The following ENPP6 variants were observed in gnomAD, a reference collection of about 807,000 sequenced individuals.
ENPP6 encodes ectonucleotide pyrophosphatase/phosphodiesterase 6.
In ENPP6, 32 loss-of-function variants were observed where a neutral mutation model predicts 42.0. The ratio of observed to expected loss-of-function variants is 0.76; its 90% CI spans 0.58 to 1.02. ENPP6 has a LOEUF of 1.02. Ranked by LOEUF, ENPP6 falls within the 50% of genes least tolerant of loss-of-function variation. The pLI is 0.00. For missense variants in ENPP6, 552 were observed against 566.8 expected, an observed-to-expected ratio of 0.97 and a Z score of 0.27; for synonymous variants, 213 against 216.0, an observed-to-expected ratio of 0.99 and a Z score of 0.12.
At position 184,120,668 on chromosome 4, in the gene ENPP6, C is replaced by T. The variant is rs141667601; in HGVS notation, c.534-2768G>A. ...TGATGCAGATCACAAACCCTGCTTC[C>T]TTTTCAGCCAGGAAAAAGGGCCGTG... On this transcript the variant is annotated intron_variant, in intron 3 of 7. Coordinates refer to ENST00000296741, the MANE Select transcript of ENPP6 (RefSeq NM_153343.4). Among the ~76,000 whole-genome samples, 612 of 152,344 alleles carry T rather than the reference C, an allele frequency of 4.0e-3. 6 individuals are homozygous for T. The highest frequency in any genetic ancestry group is 0.014 in the Middle Eastern group (4 of 294).
chr4:184,175,535 AG>A (rs1410752365), intron 1 of ENPP6, among the ~76,000 whole-genome samples: 2 of 152,098 alleles, frequency 1.3e-5, no homozygotes. Context: ...ACCACCGCAG[AG>A]TGGGGGCATT....
At chr4:184,096,524 G>T (rs994239359) in intron 7 of ENPP6, among the ~76,000 whole-genome samples, 5 of 152,196 alleles carry the variant, frequency 3.3e-5, no homozygotes, top group Non-Finnish European at 7.3e-5. Flanking sequence ...GGAGAAGAGG[G>T]TGTTCAGGTA....
intron 1 of ENPP6, among the ~76,000 whole-genome samples, chr4:184,205,717 A>G (rs528913288): frequency 1.5e-5 from 2 of 135,174 alleles, no homozygotes; most frequent in East Asian, 3.9e-4. Context: ...GCTGGAGTAG[A>G]GGAGGCTCCA....
At chr4:184,207,976 C>T (rs1031411674) in intron 1 of ENPP6, among the ~76,000 whole-genome samples, 3 of 136,208 alleles carry the variant, frequency 2.2e-5, no homozygotes, top group African/African-American at 7.9e-5. Flanking sequence ...CCTATACTGT[C>T]ATATTGGAAT....
chr4:184,140,583 C>A (rs543711229), intron 2 of ENPP6, among the ~76,000 whole-genome samples: 190 of 129,546 alleles, frequency 1.5e-3, no homozygotes, highest in Non-Finnish European at 2.7e-3. Flanking sequence ...AGAAATAACG[C>A]CGCATATCTA....
intron 2 of ENPP6, among the ~76,000 whole-genome samples, chr4:184,127,647 C>T (rs568559723): frequency 6.6e-5 from 10 of 152,160 alleles, no homozygotes; most frequent in Non-Finnish European, 1.5e-4. Flanking sequence ...TTCCCAGCTA[C>T]TTGGGAGGCT....
At chr4:184,214,746 C>T (rs1733171547) in intron 1 of ENPP6, among the ~76,000 whole-genome samples, 1 of 152,172 alleles carries the variant, frequency 6.6e-6, no homozygotes, top group Admixed American at 6.5e-5. Context: ...AAATCAAACA[C>T]CACATGTTCT....
Position 184,116,954 on chromosome 4 carries a change from T to A in ENPP6, c.757A>T (p.Ile253Phe). 1 of 1,614,172 alleles carries A rather than the reference T, an allele frequency of 6.2e-7. No homozygotes were observed. Among genetic ancestry groups the A allele is most frequent in the Non-Finnish European group, 8.5e-7 (1 of 1,180,036 alleles). ...AGGCTGATGTACTTATTCAGCTCAA[T>A]CACTTTGTCCATCCAGAAAATGTCG... ...MTDIFWMDKV[I>F]ELNKYISLND... Residue 253 changes from isoleucine (I) to phenylalanine (F), a missense_variant, in exon 5 of 8, where the codon ATT becomes TTT. Transcript: ENST00000296741.
chr4:184,184,698 T>A lies in ENPP6; in HGVS notation c.242-30965A>T, dbSNP rs1331817998. Among the ~76,000 whole-genome samples the A allele has an allele frequency of 6.6e-6, 1 of 152,074 alleles. No individual in the cohort carries two copies. Among genetic ancestry groups the A allele is most frequent in the African/African-American group, 2.4e-5 (1 of 41,400 alleles). On this transcript the variant is annotated intron_variant, in intron 1 of 7. Transcript: ENST00000296741. The surrounding 1 kb of genome is among the most constrained non-coding windows in gnomAD (Gnocchi z 4.7). Reference sequence around the variant, plus strand: ...CTTATAAGGAAGGGAGACAGTCACATGTCAATAGAGGCAGAGGTGGAAGTG... The same window carrying A: ...CTTATAAGGAAGGGAGACAGTCACAAGTCAATAGAGGCAGAGGTGGAAGTG...
At chr4:184,110,887 C>T (rs993486950) in intron 6 of ENPP6, among the ~76,000 whole-genome samples, 4 of 152,142 alleles carry the variant, frequency 2.6e-5, no homozygotes, top group East Asian at 3.8e-4. Context: ...CCCAGCACTG[C>T]GTTTCATCAC....
intron 2 of ENPP6, among the ~76,000 whole-genome samples, chr4:184,147,667 G>A (rs1736951205): frequency 6.6e-6 from 1 of 151,952 alleles, no homozygotes; most frequent in Non-Finnish European, 1.5e-5. Context: ...AGGGTGGGGA[G>A]GTGTGCCCCT....
At chr4:184,163,107 G>C (rs1245246980) in intron 1 of ENPP6, among the ~76,000 whole-genome samples, 1 of 152,160 alleles carries the variant, frequency 6.6e-6, no homozygotes, top group African/African-American at 2.4e-5. Context: ...AAAATCCTAA[G>C]ACGTGGATTT....
rs140458019 is a variant in ENPP6 at position 184,154,269 on chromosome 4, C to T, written c.242-536G>A. On this transcript the variant is annotated intron_variant, in intron 1 of 7. Coordinates refer to ENST00000296741, the MANE Select transcript of ENPP6 (RefSeq NM_153343.4). ...ATAGATTCAACTTTGAAAAACAAAGCAGGAAAACAACCCTTCAAATGCAGT... is the reference window on the plus strand; with the variant it reads ...ATAGATTCAACTTTGAAAAACAAAGTAGGAAAACAACCCTTCAAATGCAGT... Among the ~76,000 whole-genome samples the T allele has an allele frequency of 4.4e-4, 67 of 152,304 alleles. No homozygotes were observed. In the East Asian group the frequency reaches 8.1e-3, roughly 18 times the overall value.
At chr4:184,212,487 C>A (rs2111125887) in intron 1 of ENPP6, among the ~76,000 whole-genome samples, 1 of 150,564 alleles carries the variant, frequency 6.6e-6, no homozygotes, top group Admixed American at 6.6e-5. Context: ...CTCCCATTCA[C>A]AATTGCTTCA....
At chr4:184,177,033 G>A (rs543938490) in intron 1 of ENPP6, among the ~76,000 whole-genome samples, 88 of 152,266 alleles carry the variant, frequency 5.8e-4, no homozygotes, top group East Asian at 4.4e-3. Flanking sequence ...GTGAACCCAC[G>A]CCACCAGGGC....
intron 1 of ENPP6, among the ~76,000 whole-genome samples, chr4:184,180,308 G>C (rs1732531891): frequency 6.6e-6 from 1 of 152,146 alleles, no homozygotes; most frequent in Admixed American, 6.5e-5. Context: ...GACTGAACCA[G>C]AAAGAAGGTG....
chr4:184,112,748 C>A lies in ENPP6; in HGVS notation c.917G>T (p.Ser306Ile). The part of the protein sequence containing the change: ...MTVYEKEAIP[S>I]RFYYKKGKFV... The stretch of plus-strand genomic sequence containing the variant: ...CTTTCCTTTCTTGTAATAGAACCTG[C>A]TTGGGATGGCTTCTTTCTCGTAGAC... The change falls in exon 6 of 8, where the codon AGC (serine) becomes ATC (isoleucine). Residue 306 changes from serine to isoleucine, a missense_variant. Ser to Ile is a moderately radical substitution (Grantham distance 142). Coordinates refer to ENST00000296741, the MANE Select transcript of ENPP6 (RefSeq NM_153343.4). 1.2e-6 allele frequency: 2 copies of A among 1,614,104 alleles called. No individual in the cohort carries two copies. Among genetic ancestry groups the A allele is most frequent in the Non-Finnish European group, 1.7e-6 (2 of 1,180,022 alleles).
In ENPP6 at chr4:184,091,210, G is replaced by A. The variant is rs1165190354; in HGVS notation, c.1290C>T (p.Ala430=). ...TAPPVWPSHC[A]LALILLFLLA ...GCAGGAAGAGAAGAATCAGTGCCAGGGCACAGTGGCTGGGCCAGACAGGCG... is the reference window on the plus strand; with the variant it reads ...GCAGGAAGAGAAGAATCAGTGCCAGAGCACAGTGGCTGGGCCAGACAGGCG... The change falls in exon 8 of 8, where the codon GCC becomes GCT. Residue 430 remains alanine, a synonymous_variant. Coordinates refer to ENST00000296741, the MANE Select transcript of ENPP6 (RefSeq NM_153343.4). 1 of 1,595,096 alleles carries A rather than the reference G, an allele frequency of 6.3e-7. No individual in the cohort carries two copies.
Position 184,112,657 on chromosome 4 carries a change from A to G in ENPP6, c.993+15T>C. ...ATTTGCATAGAGAATAAATTGGCAC[A>G]TATTTCATAATTACCTCAGTTATGA... On this transcript the variant is annotated intron_variant, in intron 6 of 7. Transcript: ENST00000296741. 4 of 1,609,918 alleles carry G rather than the reference A, an allele frequency of 2.5e-6. No homozygotes were observed. Among genetic ancestry groups the G allele is most frequent in the Non-Finnish European group, 3.4e-6 (4 of 1,178,580 alleles).
Sources: gnomAD v4.1 joint callset for allele counts (sites outside exome capture counted in the v4.1 genomes callset) on GRCh38, gnomAD v4.1.1 for gene constraint, Gnocchi (gnomAD v3.1) non-coding constraint, MANE v1.5 for transcripts, NCBI Gene and HGNC (gene_info 2026-07-23, HGNC 2026-07-21) for gene names.